FHIP1A: variants seen among roughly 807,000 people sequenced by gnomAD.
FHIP1A encodes the protein FHF complex subunit HOOK-interacting protein 1A.
FHIP1A carries 61 observed loss-of-function variants against 88.6 expected under a neutral mutation model. That is an observed-to-expected ratio of 0.69 (90% CI 0.56 to 0.85). The LOEUF (loss-of-function observed/expected upper bound fraction) is 0.85, where lower values mean the gene tolerates loss of function less well. FHIP1A is among the 40% of genes least tolerant of loss of function. FHIP1A has a pLI of 0.00. For synonymous variants in FHIP1A, 478 were observed against 496.0 expected (o/e 0.96, Z 0.48); for missense variants, 1,154 against 1,273.5 (o/e 0.91, Z 1.43).
intron 7 of FHIP1A, among the ~76,000 whole-genome samples, chr4:151,600,172 C>G (rs1578802063): frequency 6.6e-6 from 1 of 152,200 alleles, no homozygotes; most frequent in Non-Finnish European, 1.5e-5. Context: ...TTGATAGAGC[C>G]TCCACTATTC....
intron 2 of FHIP1A, among the ~76,000 whole-genome samples, chr4:151,468,283 T>TG (rs1729395627): frequency 1.8e-5 from 1 of 55,410 alleles, no homozygotes; most frequent in Non-Finnish European, 3.2e-5. Flanking sequence ...AGACTCCATC[T>TG]CAAAAAAAAA....
In FHIP1A at chr4:151,577,617, T is replaced by A. The variant is rs1733843936; in HGVS notation, c.273T>A (p.Phe91Leu). ...CTGCAATGGGGCCGATTCTGGAATTTGTGGTCTCTGAGAACATCATGGAGA... is the reference window on the plus strand; with the variant it reads ...CTGCAATGGGGCCGATTCTGGAATTAGTGGTCTCTGAGAACATCATGGAGA... ...KDAAMGPILE[F>L]VVSENIMEKL... The change falls in exon 5 of 14, where the codon TTT (phenylalanine) becomes TTA (leucine). Residue 91 changes from phenylalanine to leucine, a missense_variant. Physicochemically the swap from Phe to Leu is conservative, Grantham distance 22. Transcript: ENST00000435205. 10 of 1,551,808 alleles carry A rather than the reference T, an allele frequency of 6.4e-6. No homozygotes were observed. Among genetic ancestry groups the A allele is most frequent in the South Asian group, 5.9e-5 (5 of 84,060 alleles).
chr4:151,601,667 A>T (rs1299141408), intron 7 of FHIP1A, among the ~76,000 whole-genome samples: 1 of 150,744 alleles, frequency 6.6e-6, no homozygotes, highest in Non-Finnish European at 1.5e-5. Context: ...TTATTATTAC[A>T]TGAATTTATA....
At position 151,509,202 on chromosome 4, in the gene FHIP1A, G is replaced by A. The variant is rs146180766; in HGVS notation, c.-123+26554G>A. Among the ~76,000 whole-genome samples, 404 of 152,012 alleles carry A rather than the reference G, an allele frequency of 2.7e-3. 1 individual carries two copies. The highest frequency in any genetic ancestry group is 9.3e-3 in the African/African-American group (385 of 41,464). Reference sequence around the variant, plus strand: ...TTTTTTGAGACAGTCTCACTCTGTCGCCCAGGCTGGAGTGCAGTGGCGTGA... The same window carrying A: ...TTTTTTGAGACAGTCTCACTCTGTCACCCAGGCTGGAGTGCAGTGGCGTGA... On this transcript the variant is annotated intron_variant, in intron 3 of 13. Transcript: ENST00000435205.
chr4:151,589,086 G>T (rs573059925), intron 7 of FHIP1A, among the ~76,000 whole-genome samples, 160 bp downstream of exon 7: 2 of 152,258 alleles, frequency 1.3e-5, no homozygotes, highest in South Asian at 4.1e-4. Flanking sequence ...TATTAAAATG[G>T]CCACAGCTTA....
chr4:151,644,526 A>C (rs1736715761), intron 9 of FHIP1A, among the ~76,000 whole-genome samples: 1 of 151,910 alleles, frequency 6.6e-6, no homozygotes, highest in Admixed American at 6.6e-5. Context: ...TAACTCTTCT[A>C]TGTTTTATAG....
At chr4:151,640,409 A>G (rs368497648) in intron 9 of FHIP1A, among the ~76,000 whole-genome samples, 1 of 152,198 alleles carries the variant, frequency 6.6e-6, no homozygotes, top group African/African-American at 2.4e-5. Context: ...GCAGAAAACA[A>G]ATCCAATCTT....
At chr4:151,565,419 C>A (rs1733348737) in intron 3 of FHIP1A, among the ~76,000 whole-genome samples, 1 of 152,066 alleles carries the variant, frequency 6.6e-6, no homozygotes, top group South Asian at 2.1e-4. Flanking sequence ...GCACTCACAC[C>A]TAATAAACAC....
At chr4:151,425,971 A>C (rs909076491) in intron 1 of FHIP1A, among the ~76,000 whole-genome samples, 1 of 152,144 alleles carries the variant, frequency 6.6e-6, no homozygotes, top group Non-Finnish European at 1.5e-5. Context: ...TGGAATCCTT[A>C]ATTTAGTCAC....
chr4:151,462,848 T>C (rs910984335), intron 2 of FHIP1A, among the ~76,000 whole-genome samples: 1 of 152,202 alleles, frequency 6.6e-6, no homozygotes, highest in African/African-American at 2.4e-5. Flanking sequence ...CAGACAATAG[T>C]CTTTTCTGGA....
At chr4:151,478,031 T>C (rs1364166849) in intron 2 of FHIP1A, among the ~76,000 whole-genome samples, 2 of 152,178 alleles carry the variant, frequency 1.3e-5, no homozygotes, top group East Asian at 1.9e-4. Flanking sequence ...TACATACTTA[T>C]TACATGCATG....
At chr4:151,472,115 T>C (rs7676059) in intron 2 of FHIP1A, among the ~76,000 whole-genome samples, 79,001 of 151,980 alleles carry the variant, frequency 0.52, 20,847 homozygotes, top group African/African-American at 0.55. Context: ...TTTGTCTGGA[T>C]GGACACTGGA....
intron 1 of FHIP1A, among the ~76,000 whole-genome samples, chr4:151,424,666 C>T (rs1285966556): frequency 6.6e-6 from 1 of 152,096 alleles, no homozygotes; most frequent in Non-Finnish European, 1.5e-5. Flanking sequence ...AAATCAGTAA[C>T]TTGAGAACCA....
chr4:151,612,336 G>A (rs192893751), intron 7 of FHIP1A, among the ~76,000 whole-genome samples: 4 of 152,236 alleles, frequency 2.6e-5, no homozygotes, highest in Admixed American at 2.6e-4. Context: ...TCCTCTCAAG[G>A]ATCCTGTGCA....
intron 3 of FHIP1A, among the ~76,000 whole-genome samples, chr4:151,538,118 T>C (rs944731693): frequency 6.6e-6 from 1 of 152,162 alleles, no homozygotes; most frequent in Admixed American, 6.5e-5. Context: ...AACGTTCCCT[T>C]AGACCATAGT....
At chr4:151,582,137 G>A (rs902851735) in intron 5 of FHIP1A, among the ~76,000 whole-genome samples, 6 of 152,124 alleles carry the variant, frequency 3.9e-5, no homozygotes, top group Non-Finnish European at 8.8e-5. Context: ...TAGGTACACA[G>A]CCACAGGTAG....
intron 3 of FHIP1A, among the ~76,000 whole-genome samples, chr4:151,493,877 G>C (rs1381494929): frequency 6.6e-6 from 1 of 152,130 alleles, no homozygotes; most frequent in South Asian, 2.1e-4. Flanking sequence ...ATACTGAATG[G>C]GGAAAAGTTG....
intron 1 of FHIP1A, among the ~76,000 whole-genome samples, chr4:151,453,622 T>C (rs1041407250): frequency 6.6e-6 from 1 of 152,170 alleles, no homozygotes; most frequent in African/African-American, 2.4e-5. Context: ...AAAAACCTGA[T>C]TTCGGATCAC....
intron 4 of FHIP1A, among the ~76,000 whole-genome samples, chr4:151,569,545 A>G (rs1032226362): frequency 9.2e-5 from 14 of 151,700 alleles, no homozygotes; most frequent in Admixed American, 2.6e-4. Context: ...GAGCAAGACA[A>G]TGTCTTTAAA....
Sources: gnomAD v4.1 joint callset for allele counts (sites outside exome capture counted in the v4.1 genomes callset) on GRCh38, gnomAD v4.1.1 for gene constraint, MANE v1.5 for transcripts, NCBI Gene and HGNC (gene_info 2026-07-23, HGNC 2026-07-21) for gene names.